Variants in TESMIN observed in about 807,000 individuals in gnomAD.
The protein encoded by TESMIN is CXC domain containing 2.
A neutral mutation model predicts 47.4 loss-of-function variants in TESMIN; 34 were observed. The ratio of observed to expected loss-of-function variants is 0.72; its 90% CI spans 0.55 to 0.96. The LOEUF is 0.96. TESMIN is among the 40% of genes least tolerant of loss of function. The pLI is 0.00. For synonymous variants in TESMIN, 278 were observed against 258.9 expected, an observed-to-expected ratio of 1.07 and a Z score of -0.71; for missense variants, 610 against 637.2, an observed-to-expected ratio of 0.96 and a Z score of 0.46.
chr11:68,749,892 G>C (rs758921327), intron 2 of TESMIN, among the ~76,000 whole-genome samples: 1 of 152,166 alleles, frequency 6.6e-6, no homozygotes, highest in Non-Finnish European at 1.5e-5. Context: ...GGGAACCTAC[G>C]TCCTAGCTTT....
At chr11:68,729,426 G>A (rs1202871996) in intron 6 of TESMIN, among the ~76,000 whole-genome samples, 1 of 152,000 alleles carries the variant, frequency 6.6e-6, no homozygotes, top group African/African-American at 2.4e-5. Flanking sequence ...TTGGGAGGCT[G>A]AGCCAGGAGA....
chr11:68,745,791 C>T (rs1004223364), intron 3 of TESMIN, among the ~76,000 whole-genome samples: 8 of 152,144 alleles, frequency 5.3e-5, no homozygotes, highest in Non-Finnish European at 1.0e-4. Context: ...AATAAATGGT[C>T]GCAAGCCGGG....
At chr11:68,719,539 A>G (rs1946180762) in intron 6 of TESMIN, among the ~76,000 whole-genome samples, 1 of 152,202 alleles carries the variant, frequency 6.6e-6, no homozygotes, top group South Asian at 2.1e-4. Context: ...AAAGCCGAGG[A>G]GTAATTCAGA....
chr11:68,736,061 A>G (rs1468611431), intron 6 of TESMIN: 1 of 984,508 alleles, frequency 1.0e-6, no homozygotes, highest in East Asian at 1.1e-4. Flanking sequence ...TCTGCCTCAG[A>G]AAAGCATTCT....
chr11:68,721,361 A>G (rs1289150167), intron 6 of TESMIN, among the ~76,000 whole-genome samples: 1 of 151,902 alleles, frequency 6.6e-6, no homozygotes, highest in African/African-American at 2.4e-5. Flanking sequence ...CTTCCACCCA[A>G]TGAACTCCCC....
chr11:68,731,427 G>GA (rs1288573057), intron 6 of TESMIN, among the ~76,000 whole-genome samples: 1 of 113,026 alleles, frequency 8.8e-6, no homozygotes. Context: ...GACCCTGTCT[G>GA]AAAAAAGAGT....
At position 68,737,817 on chromosome 11, in the gene TESMIN, G is replaced by A. The variant is rs1050854910; in HGVS notation, c.917+883C>T. 9.1e-6 allele frequency: 7 copies of A among 770,402 alleles called. No homozygotes were observed. In the African/African-American group the frequency reaches 9.5e-5, roughly 10 times the overall value. The allele number at this position is 770,402 out of a possible 1,614,324, so 47.7% of individuals were successfully genotyped here. On this transcript the variant is annotated intron_variant, in intron 6 of 9. Transcript: ENST00000255087. Reference sequence around the variant, plus strand: ...GGTCCCAGCTACTCGGGAGGCTGAGGAAGGAGAATTGCTTGAACCCAGGAG... The same window carrying A: ...GGTCCCAGCTACTCGGGAGGCTGAGAAAGGAGAATTGCTTGAACCCAGGAG...
chr11:68,740,047 C>T (rs1423386318), intron 5 of TESMIN, among the ~76,000 whole-genome samples: 5 of 152,174 alleles, frequency 3.3e-5, no homozygotes, highest in Non-Finnish European at 5.9e-5. Flanking sequence ...CTGGAATCCA[C>T]GAGTTTCTTC....
intron 6 of TESMIN, among the ~76,000 whole-genome samples, chr11:68,725,382 T>G (rs776377875): frequency 6.6e-6 from 1 of 152,230 alleles, no homozygotes; most frequent in Non-Finnish European, 1.5e-5. Flanking sequence ...ACATCACATT[T>G]ATCCCACCTT....
At chr11:68,729,903 T>C (rs4930601) in intron 6 of TESMIN, among the ~76,000 whole-genome samples, 105,114 of 152,122 alleles carry the variant, frequency 0.69, 37,085 homozygotes, top group East Asian at 0.86. Context: ...CAGCATCACA[T>C]ACTATAGAGA....
At position 68,741,005 on chromosome 11, in the gene TESMIN, TTC is replaced by T. The variant is rs142894538; in HGVS notation, c.828+1311_828+1312del. Reference sequence around the variant, plus strand: ...TTGGGCGCATCCTTGACTCCTCTCTTTCTCTCACATCCCACATCCAATCCATC... The same window carrying T: ...TTGGGCGCATCCTTGACTCCTCTCTTTCTCACATCCCACATCCAATCCATC... On this transcript the variant is annotated intron_variant, in intron 5 of 9. Coordinates refer to ENST00000255087, the MANE Select transcript of TESMIN (RefSeq NM_004923.3). 8.5e-3 allele frequency among the ~76,000 whole-genome samples: 1,301 copies of T among 152,252 alleles called. 19 individuals carry two copies. The highest frequency in any genetic ancestry group is 0.03 in the African/African-American group (1,247 of 41,524).
Position 68,750,193 on chromosome 11 carries a change from G to A in TESMIN, c.468C>T (p.Ile156=), listed in dbSNP as rs777974881. The change falls in exon 2 of 10, where the codon ATC becomes ATT. Residue 156 remains isoleucine (I), a synonymous_variant. Coordinates refer to ENST00000255087, the MANE Select transcript of TESMIN (RefSeq NM_004923.3). The stretch of plus-strand genomic sequence containing the variant: ...CCATTCCCCAGGCGGTTCTTACTGG[G>A]ATCATGCGGACGCCCGGGTGGGAGG... The part of the protein sequence containing the change: ...EGASHPGVRM[I]PVEIKEAGGT... 1.3e-6 allele frequency: 2 copies of A among 1,483,378 alleles called. No homozygotes were observed. The highest frequency in any genetic ancestry group is 1.8e-6 in the Non-Finnish European group (2 of 1,128,702). 91.9% of individuals were successfully genotyped at this position (1,483,378 alleles called of 1,614,324 possible).
chr11:68,726,849 G>A (rs1429573204), intron 6 of TESMIN, among the ~76,000 whole-genome samples: 1 of 152,004 alleles, frequency 6.6e-6, no homozygotes, highest in Non-Finnish European at 1.5e-5. Context: ...ATGCTGAGGT[G>A]GGAGGATTCC....
At chr11:68,710,715 G>T in intron 9 of TESMIN, 159 bp downstream of exon 9, 1 of 652,212 alleles carries the variant, frequency 1.5e-6, no homozygotes, top group Non-Finnish European at 2.5e-6. Flanking sequence ...GGCCACCCAG[G>T]ATTAGCCCAT....
chr11:68,716,040 A>C, intron 6 of TESMIN, 101 bp from the exon 7 acceptor site: 3 of 748,072 alleles, frequency 4.0e-6, no homozygotes, highest in South Asian at 3.2e-5. Flanking sequence ...AGTGTGCTGC[A>C]GTCAGAACAC....
In TESMIN at chr11:68,715,938, A is replaced by G; in HGVS notation, c.919T>C (p.Tyr307His). The G allele has an allele frequency of 6.3e-7, 1 of 1,595,942 alleles. No individual in the cohort carries two copies. Residue 307 changes from tyrosine to histidine, a missense_variant and splice_region_variant, in exon 7 of 10, where the codon TAC becomes CAC. Transcript: ENST00000255087. ...PGPPKITLAG[Y>H]CDCFASGDFC... ...TCCCCACTGGCAAAGCAGTCACAGT[A>G]CCTGTGAAGGAAAGGACAGAGTGAG...
chr11:68,726,653 C>CA (rs1054666268), intron 6 of TESMIN, among the ~76,000 whole-genome samples: 12 of 151,490 alleles, frequency 7.9e-5, no homozygotes, highest in African/African-American at 2.7e-4. Context: ...AAGAGACTAC[C>CA]AAAAAAAATG....
chr11:68,706,525 G>A (rs1945999816), downstream of TESMIN, among the ~76,000 whole-genome samples: 1 of 152,238 alleles, frequency 6.6e-6, no homozygotes, highest in Non-Finnish European at 1.5e-5. Flanking sequence ...TCAGGAGAAT[G>A]CTGGAGGACA....
chr11:68,721,321 A>G (rs1946200731), intron 6 of TESMIN, among the ~76,000 whole-genome samples: 1 of 152,012 alleles, frequency 6.6e-6, no homozygotes, highest in Non-Finnish European at 1.5e-5. Context: ...TCCTCTGCCT[A>G]CAACACTCTT....
Sources: allele counts gnomAD v4.1 joint callset (sites outside exome capture counted in the v4.1 genomes callset), GRCh38; gene constraint gnomAD v4.1.1; transcripts MANE v1.5; gene names NCBI Gene and HGNC (gene_info 2026-07-23, HGNC 2026-07-21).